Variants in NBEA observed in about 807,000 individuals in gnomAD.
The protein encoded by NBEA is lysosomal-trafficking regulator 2.
In NBEA, 44 loss-of-function variants were observed where a neutral mutation model predicts 343.4. The observed-to-expected ratio is 0.13, with a 90% CI of 0.10 to 0.16. NBEA has a LOEUF of 0.16. Among genes scored for constraint, NBEA ranks in the 10% least tolerant of loss-of-function variants. NBEA has a pLI of 1.00. For missense variants in NBEA, 2,555 were observed against 3,631.3 expected, an observed-to-expected ratio of 0.70 and a Z score of 7.62; for synonymous variants, 1,175 against 1,238.7, an observed-to-expected ratio of 0.95 and a Z score of 1.08.
At chr13:35,041,254 T>C in intron 2 of NBEA, 90 bp downstream of exon 2, 1 of 1,034,194 alleles carries the variant, frequency 9.7e-7, no homozygotes, top group Non-Finnish European at 1.4e-6. Flanking sequence ...TGTAGATTTG[T>C]TGACATTACT....
intron 18 of NBEA, among the ~76,000 whole-genome samples, chr13:35,147,699 T>C (rs2068521486): frequency 6.6e-6 from 1 of 152,158 alleles, no homozygotes; most frequent in Admixed American, 6.6e-5. Context: ...TTATTTGATA[T>C]TTCCTAATTC....
rs760779909 is a variant in NBEA at position 35,476,016 on chromosome 13, T to C, written c.6585+3480T>C. Reference sequence around the variant, plus strand: ...GCTCCTGCACTTCCACTTCCTTCAGTACGTCGGAAACTACTTTGCAGACTT... The same window carrying C: ...GCTCCTGCACTTCCACTTCCTTCAGCACGTCGGAAACTACTTTGCAGACTT... On this transcript the variant is annotated intron_variant, in intron 41 of 58. Transcript: ENST00000379939. 3.7e-6 allele frequency: 6 copies of C among 1,614,220 alleles called. No individual in the cohort carries two copies. The East Asian group carries it at 1.3e-4, about 36-fold the overall frequency.
At chr13:34,945,956 T>C (rs2059173669) in intron 1 of NBEA, among the ~76,000 whole-genome samples, 1 of 152,156 alleles carries the variant, frequency 6.6e-6, no homozygotes, top group African/African-American at 2.4e-5. Context: ...AGACCTATTT[T>C]TACTACTAGG....
At chr13:35,417,143 CT>C (rs2043963443) in intron 38 of NBEA, among the ~76,000 whole-genome samples, 1 of 151,928 alleles carries the variant, frequency 6.6e-6, no homozygotes, top group South Asian at 2.1e-4. Context: ...CTTTATTAGT[CT>C]TGCTAGCAGT....
chr13:35,059,612 AGTGTGGTTTTT>A (rs2063391125), intron 8 of NBEA, among the ~76,000 whole-genome samples: 1 of 151,810 alleles, frequency 6.6e-6, no homozygotes, highest in Admixed American at 6.6e-5. Context: ...CTTGTATGGA[AGTGTGGTTTTT>A]TATTGAACTC....
At chr13:35,642,145 G>A (rs1460254474) in intron 49 of NBEA, among the ~76,000 whole-genome samples, 5 of 152,068 alleles carry the variant, frequency 3.3e-5, no homozygotes, top group Admixed American at 1.3e-4. Flanking sequence ...AAATCTAGTG[G>A]TTTAAGCCTA....
intron 38 of NBEA, among the ~76,000 whole-genome samples, chr13:35,399,087 T>C (rs1247390730): frequency 6.6e-6 from 1 of 152,136 alleles, no homozygotes; most frequent in Non-Finnish European, 1.5e-5. Flanking sequence ...GGCTTCTTTC[T>C]TTAAATCTCA....
intron 41 of NBEA, among the ~76,000 whole-genome samples, chr13:35,528,962 G>A (rs2078120148): frequency 6.6e-6 from 1 of 152,114 alleles, no homozygotes; most frequent in Non-Finnish European, 1.5e-5. Context: ...AGTGAGTATG[G>A]TATTATTTTA....
intron 33 of NBEA, among the ~76,000 whole-genome samples, chr13:35,219,289 T>G: frequency 6.6e-6 from 1 of 152,098 alleles, no homozygotes; most frequent in East Asian, 1.9e-4. Flanking sequence ...GCCAAAAAAA[T>G]GTCTAGAGAG....
chr13:34,942,992 G>C lies in NBEA; in HGVS notation c.172G>C (p.Ala58Pro). 1 of 1,610,872 alleles carries C rather than the reference G, an allele frequency of 6.2e-7. No individual in the cohort carries two copies. Among genetic ancestry groups the C allele is most frequent in the Non-Finnish European group, 8.5e-7 (1 of 1,178,686 alleles). Residue 58 changes from alanine to proline, a missense_variant, in exon 1 of 59, where the codon GCG becomes CCG. Physicochemically the swap from Ala to Pro is conservative, Grantham distance 27 (BLOSUM62 -1). Coordinates refer to ENST00000379939, the MANE Select transcript of NBEA (RefSeq NM_001385012.1). Reference protein sequence around the residue: ...ASGSGSVMLPAGMINPSVPIR... With the variant: ...ASGSGSVMLPPGMINPSVPIR... ...CGGCTCCGGCTCGGTGATGCTCCCC[G>C]CGGGGATGATTAACCCTTCGGTGCC...
At chr13:35,340,812 A>G (rs1303599140) in intron 36 of NBEA, among the ~76,000 whole-genome samples, 1 of 152,060 alleles carries the variant, frequency 6.6e-6, no homozygotes, top group Non-Finnish European at 1.5e-5. Flanking sequence ...AATAATTTTA[A>G]GATAACAGTA....
At chr13:35,317,022 A>G (rs1182589318) in intron 36 of NBEA, among the ~76,000 whole-genome samples, 1 of 152,000 alleles carries the variant, frequency 6.6e-6, no homozygotes, top group Non-Finnish European at 1.5e-5. Context: ...TCTTTGTCAG[A>G]TGGATAGATT....
chr13:35,422,781 C>G (rs2044380444), intron 38 of NBEA, among the ~76,000 whole-genome samples: 1 of 152,178 alleles, frequency 6.6e-6, no homozygotes, highest in African/African-American at 2.4e-5. Flanking sequence ...AAAAGTGTTC[C>G]TATTTCTCCA....
chr13:35,572,757 G>C (rs1198914288), intron 45 of NBEA, among the ~76,000 whole-genome samples: 2 of 151,746 alleles, frequency 1.3e-5, no homozygotes, highest in African/African-American at 4.8e-5. Flanking sequence ...TTTTTGAGAT[G>C]GAGTCTCCCT....
chr13:35,463,469 T>A (rs896716720), intron 40 of NBEA, among the ~76,000 whole-genome samples: 1 of 151,814 alleles, frequency 6.6e-6, no homozygotes, highest in Admixed American at 6.6e-5. Flanking sequence ...CGAAAAAATT[T>A]AAAAAATTAG....
intron 45 of NBEA, among the ~76,000 whole-genome samples, chr13:35,581,913 A>T (rs903971012): frequency 3.3e-5 from 5 of 151,582 alleles, no homozygotes; most frequent in African/African-American, 1.2e-4. Flanking sequence ...AAGAAAAAAA[A>T]AGAAAAATAT....
In NBEA at chr13:34,976,940, ATT is replaced by A. The variant is rs58973015; in HGVS notation, c.294+33842_294+33843del. ...CTAGAGAACTTTTCTTTTTCTCTCT[ATT>A]TTTTTTTTTTTTTTTGAGACAGAGT... is the stretch of plus-strand genomic sequence containing the variant. On this transcript the variant is annotated intron_variant, in intron 1 of 58. Coordinates refer to ENST00000379939, the MANE Select transcript of NBEA (RefSeq NM_001385012.1). 7.9e-3 allele frequency among the ~76,000 whole-genome samples: 1,018 copies of A among 129,594 alleles called. 9 individuals are homozygous for A. Among genetic ancestry groups the A allele is most frequent in the African/African-American group, 0.027 (946 of 35,200 alleles). 85.0% of individuals were successfully genotyped at this position (129,594 alleles called of 152,430 possible).
intron 46 of NBEA, among the ~76,000 whole-genome samples, chr13:35,584,331 T>C (rs1387584821): frequency 7.0e-6 from 1 of 143,762 alleles, no homozygotes; most frequent in East Asian, 2.2e-4. Flanking sequence ...TTTTTTTTTT[T>C]CAGTGAGAGG....
At chr13:34,951,307 A>G (rs1029152837) in intron 1 of NBEA, among the ~76,000 whole-genome samples, 2 of 152,210 alleles carry the variant, frequency 1.3e-5, no homozygotes, top group South Asian at 4.1e-4. Context: ...TCTGTGCCTC[A>G]GTTTCTTTGT....
Sources: allele counts gnomAD v4.1 joint callset (sites outside exome capture counted in the v4.1 genomes callset), GRCh38; gene constraint gnomAD v4.1.1; transcripts MANE v1.5; gene names NCBI Gene and HGNC (gene_info 2026-07-23, HGNC 2026-07-21).